Variants in ARHGEF3 observed in about 807,000 individuals in gnomAD.
ARHGEF3 encodes Rho guanine nucleotide exchange factor 3, also known as 59.8 kDA protein.
ARHGEF3 carries 28 observed loss-of-function variants against 63.2 expected under a neutral mutation model. The ratio of observed to expected loss-of-function variants is 0.44; its 90% CI spans 0.33 to 0.61. The LOEUF (loss-of-function observed/expected upper bound fraction) is 0.61, where lower values mean the gene tolerates loss of function less well. Among genes scored for constraint, ARHGEF3 ranks in the 20% least tolerant of loss-of-function variants. The pLI, the probability that ARHGEF3 is intolerant of heterozygous loss-of-function variation, is 0.03. For synonymous variants in ARHGEF3, 266 were observed against 254.2 expected (o/e 1.05, Z -0.44); for missense variants, 533 against 659.3 (o/e 0.81, Z 2.10).
intron 3 of ARHGEF3, among the ~76,000 whole-genome samples, chr3:56,919,577 A>G (rs1375735492): frequency 2.0e-5 from 3 of 152,206 alleles, no homozygotes; most frequent in Non-Finnish European, 4.4e-5. Flanking sequence ...GATACACTTG[A>G]AATGTCACTT....
chr3:56,912,194 A>T (rs993510480), intron 3 of ARHGEF3, among the ~76,000 whole-genome samples: 5 of 152,320 alleles, frequency 3.3e-5, no homozygotes, highest in Admixed American at 3.3e-4. Context: ...TGCATACTTT[A>T]GATTCATATC....
intron 1 of ARHGEF3, among the ~76,000 whole-genome samples, chr3:57,036,267 C>T (rs1703958637): frequency 1.3e-5 from 2 of 152,074 alleles, no homozygotes; most frequent in African/African-American, 4.8e-5. Context: ...AGGGCATCTC[C>T]AAGTATGAGC....
intron 4 of ARHGEF3, among the ~76,000 whole-genome samples, chr3:56,858,089 CA>C (rs112463059): frequency 1.8e-4 from 28 of 151,904 alleles, no homozygotes; most frequent in African/African-American, 6.0e-4. Context: ...TAAAAAAATA[CA>C]AAAATTAGCC....
intron 1 of ARHGEF3, among the ~76,000 whole-genome samples, chr3:56,785,240 T>C (rs1200949353): frequency 1.3e-5 from 2 of 152,162 alleles, no homozygotes; most frequent in Non-Finnish European, 2.9e-5. Context: ...TTTTATCATC[T>C]GTTTAGTCAA....
At chr3:57,042,059 G>A (rs948536938) in intron 1 of ARHGEF3, among the ~76,000 whole-genome samples, 2 of 152,222 alleles carry the variant, frequency 1.3e-5, no homozygotes, top group Non-Finnish European at 2.9e-5. Context: ...TGTGGACACA[G>A]CAGCGCACCT....
At chr3:56,834,311 A>G (rs116164022) in intron 4 of ARHGEF3, among the ~76,000 whole-genome samples, 1 of 152,314 alleles carries the variant, frequency 6.6e-6, no homozygotes, top group African/African-American at 2.4e-5. Flanking sequence ...AATGTTTCAC[A>G]TTGGCACTAG....
intron 1 of ARHGEF3, among the ~76,000 whole-genome samples, chr3:56,800,259 A>G (rs2037573199): frequency 6.6e-6 from 1 of 152,188 alleles, no homozygotes; most frequent in Admixed American, 6.5e-5. Flanking sequence ...TTTCTTCCTT[A>G]CAAGTGGAGT....
chr3:56,931,508 C>A (rs2042409528), intron 3 of ARHGEF3, among the ~76,000 whole-genome samples: 1 of 127,314 alleles, frequency 7.9e-6, no homozygotes, highest in Non-Finnish European at 1.6e-5. Context: ...CCCAGGAGGT[C>A]AAGGCTGCAG....
intron 3 of ARHGEF3, among the ~76,000 whole-genome samples, chr3:56,943,970 C>T (rs369149063): frequency 2.7e-5 from 4 of 149,408 alleles, no homozygotes; most frequent in South Asian, 2.1e-4. Context: ...TGAGGTCAGA[C>T]GTTCGAGACC....
chr3:56,935,114 G>C (rs1359572220), intron 3 of ARHGEF3, among the ~76,000 whole-genome samples: 16 of 150,670 alleles, frequency 1.1e-4, no homozygotes, highest in South Asian at 4.2e-4. Context: ...CCAATTGGCA[G>C]TCTGTATCTA....
At chr3:57,013,776 G>A (rs566904144) in intron 2 of ARHGEF3, among the ~76,000 whole-genome samples, 119 of 152,304 alleles carry the variant, frequency 7.8e-4, no homozygotes, top group African/African-American at 2.8e-3. Context: ...CTCAGGGATT[G>A]TAAACATACC....
At chr3:56,853,556 C>T (rs867306281) in intron 4 of ARHGEF3, among the ~76,000 whole-genome samples, 2 of 152,072 alleles carry the variant, frequency 1.3e-5, no homozygotes, top group Non-Finnish European at 2.9e-5. Context: ...AGGCTGGTCT[C>T]GAACTCCTGA....
chr3:57,008,021 G>C (rs2318124), intron 2 of ARHGEF3, among the ~76,000 whole-genome samples: 86,862 of 152,062 alleles, frequency 0.57, 25,536 homozygotes, highest in South Asian at 0.66. Context: ...TTCCTGGCCA[G>C]AGGACAAAGC....
At chr3:56,745,172 C>G (rs1276650372) in intron 7 of ARHGEF3, 33 bp downstream of exon 7, 16 of 1,597,772 alleles carry the variant, frequency 1.0e-5, no homozygotes, top group African/African-American at 1.3e-5. Context: ...GTGGAAATAA[C>G]AAGAAGAGAG....
chr3:56,919,902 T>C (rs1296202188), intron 3 of ARHGEF3, among the ~76,000 whole-genome samples: 4 of 152,200 alleles, frequency 2.6e-5, no homozygotes, highest in Non-Finnish European at 5.9e-5. Context: ...GCAAGCTTAC[T>C]TCAGAGCTCC....
rs181416488 is a variant in ARHGEF3, at chr3:56,844,427, G to C, written c.192+37865C>G. On this transcript the variant is annotated intron_variant, in intron 4 of 12. Transcript: ENST00000338458. ...AACTAAGCATATTGTCTGGAATCTT[G>C]TCTGCCTCTGTTAATTTTCCTCAAA... Among the ~76,000 whole-genome samples the C allele has an allele frequency of 3.8e-3, 572 of 152,202 alleles. 5 individuals carry two copies. The highest frequency in any genetic ancestry group is 0.013 in the African/African-American group (538 of 41,498).
intron 3 of ARHGEF3, among the ~76,000 whole-genome samples, chr3:56,906,052 A>G (rs756243228): frequency 3.3e-5 from 5 of 151,936 alleles, no homozygotes; most frequent in Non-Finnish European, 5.9e-5. Context: ...TTTAGTAGAG[A>G]TCGGGTTTCA....
chr3:56,751,262 GC>G lies in ARHGEF3; in HGVS notation c.535+37del. On this transcript the variant is annotated intron_variant, in intron 5 of 9. Transcript: ENST00000296315. ...CTCATTATAAGACAACTCAGTTAAGGCTACAAGTCACGACTCATCCTGGGAA... is the reference window on the plus strand; with the variant it reads ...CTCATTATAAGACAACTCAGTTAAGGTACAAGTCACGACTCATCCTGGGAA... 3 of 1,575,414 alleles carry G rather than the reference GC, an allele frequency of 1.9e-6. No individual in the cohort carries two copies. In the South Asian group the frequency reaches 3.3e-5, roughly 17 times the overall value.
intron 1 of ARHGEF3, among the ~76,000 whole-genome samples, chr3:56,779,857 T>G (rs2036483871): frequency 6.6e-6 from 1 of 152,234 alleles, no homozygotes; most frequent in Non-Finnish European, 1.5e-5. Flanking sequence ...TTACTCAGTT[T>G]CTTCAACTGA....
Sources: gnomAD v4.1 joint callset for allele counts (sites outside exome capture counted in the v4.1 genomes callset) on GRCh38, gnomAD v4.1.1 for gene constraint, MANE v1.5 for transcripts, NCBI Gene and HGNC (gene_info 2026-07-23, HGNC 2026-07-21) for gene names.